The following SCAF8 variants were observed in gnomAD, a reference collection of about 807,000 sequenced individuals.
The protein encoded by SCAF8 is SR-related CTD associated factor 8.
SCAF8 carries 23 observed loss-of-function variants against 140.5 expected under a neutral mutation model. The observed-to-expected ratio is 0.16, with a 90% confidence interval of 0.12 to 0.23. The LOEUF (loss-of-function observed/expected upper bound fraction) is 0.23, where lower values mean the gene tolerates loss of function less well. Ranked by LOEUF, SCAF8 falls within the 10% of genes least tolerant of loss-of-function variation. The pLI, the probability that SCAF8 is intolerant of heterozygous loss-of-function variation, is 1.00. For synonymous variants in SCAF8, 575 were observed against 528.9 expected (o/e 1.09, Z -1.20); for missense variants, 1,397 against 1,555.7 (o/e 0.90, Z 1.72).
chr6:154,762,045 A>G (rs1562432368), intron 1 of SCAF8, among the ~76,000 whole-genome samples: 1 of 152,230 alleles, frequency 6.6e-6, no homozygotes, highest in Non-Finnish European at 1.5e-5. Context: ...TTGAGTTATT[A>G]ATAAAAAGTT....
intron 1 of SCAF8, among the ~76,000 whole-genome samples, chr6:154,749,277 C>T (rs1330322713): frequency 6.6e-6 from 1 of 152,116 alleles, no homozygotes; most frequent in Non-Finnish European, 1.5e-5. Flanking sequence ...CACAATTGTC[C>T]TTTTTTTCAT....
At position 154,813,855 on chromosome 6, in the gene SCAF8, G is replaced by A. The variant is rs566267331; in HGVS notation, c.1421-1861G>A. 4.6e-5 allele frequency among the ~76,000 whole-genome samples: 7 copies of A among 152,218 alleles called. No homozygotes were observed. The South Asian group carries it at 1.2e-3, about 27-fold the overall frequency. The stretch of plus-strand genomic sequence containing the variant: ...GAAATGTGGAGGTGGTTTTGAAGAC[G>A]AAGGACGGGACCATGAGCCAAGGAA... On this transcript the variant is annotated intron_variant, in intron 12 of 19. Coordinates refer to ENST00000367178, the MANE Select transcript of SCAF8 (RefSeq NM_014892.5).
intron 10 of SCAF8, 137 bp downstream of exon 10, chr6:154,808,338 C>G: frequency 1.1e-6 from 1 of 873,522 alleles, no homozygotes; most frequent in Non-Finnish European, 1.7e-6. Flanking sequence ...ACCTATTAGG[C>G]CAAGCTTGTC....
intron 1 of SCAF8, among the ~76,000 whole-genome samples, chr6:154,749,055 C>T (rs938718171): frequency 5.3e-5 from 8 of 152,146 alleles, no homozygotes; most frequent in Non-Finnish European, 1.0e-4. Flanking sequence ...GATTCTCCTG[C>T]CTCAGCCTCC....
intron 7 of SCAF8, among the ~76,000 whole-genome samples, chr6:154,802,796 T>G (rs1777807701): frequency 6.6e-6 from 1 of 152,168 alleles, no homozygotes; most frequent in African/African-American, 2.4e-5. Flanking sequence ...TTCTGTAATT[T>G]GGACCTGCAA....
chr6:154,750,275 C>T (rs1199805920), intron 1 of SCAF8, among the ~76,000 whole-genome samples: 8 of 152,120 alleles, frequency 5.3e-5, no homozygotes, highest in Admixed American at 5.2e-4. Flanking sequence ...TATTTGTTGT[C>T]TGTGGAACAT....
At chr6:154,779,789 A>G (rs201523066) in intron 3 of SCAF8, among the ~76,000 whole-genome samples, 34,561 of 130,608 alleles carry the variant, frequency 0.26, 4,371 homozygotes, top group East Asian at 0.63. Context: ...GTGTATATAT[A>G]TATATATATA....
chr6:154,756,839 G>T (rs1030182068), intron 1 of SCAF8, among the ~76,000 whole-genome samples: 3 of 151,958 alleles, frequency 2.0e-5, no homozygotes, highest in African/African-American at 7.3e-5. Context: ...GACCAGCCTG[G>T]ACAACATAAC....
chr6:154,825,200 T>G (rs1196634397), intron 17 of SCAF8: 1 of 152,148 alleles, frequency 6.6e-6, no homozygotes, highest in African/African-American at 2.4e-5. Context: ...CTTCACAAAT[T>G]TGTGTGTCAT....
intron 9 of SCAF8, among the ~76,000 whole-genome samples, chr6:154,807,503 C>CTGAG: frequency 6.6e-6 from 1 of 152,210 alleles, no homozygotes; most frequent in Non-Finnish European, 1.5e-5. Flanking sequence ...CCTCAGCCTC[C>CTGAG]TGAGTAGCTG....
At chr6:154,779,229 T>G (rs759344744) in intron 3 of SCAF8, among the ~76,000 whole-genome samples, 21 of 151,986 alleles carry the variant, frequency 1.4e-4, no homozygotes, top group Non-Finnish European at 2.5e-4. Context: ...GAGATGGGGG[T>G]TTCACCATGT....
intron 9 of SCAF8, among the ~76,000 whole-genome samples, chr6:154,806,068 A>G (rs892327820): frequency 6.6e-6 from 1 of 152,202 alleles, no homozygotes; most frequent in Non-Finnish European, 1.5e-5. Flanking sequence ...CTCATGCAGC[A>G]GTGTACAGCT....
chr6:154,829,752 C>G (rs1778675714), intron 18 of SCAF8, among the ~76,000 whole-genome samples: 1 of 151,990 alleles, frequency 6.6e-6, no homozygotes, highest in Non-Finnish European at 1.5e-5. Context: ...ACTAAAAATA[C>G]AGAAATTAGC....
chr6:154,737,719 C>T (rs1778461996), intron 1 of SCAF8, among the ~76,000 whole-genome samples: 1 of 151,958 alleles, frequency 6.6e-6, no homozygotes, highest in Non-Finnish European at 1.5e-5. Flanking sequence ...GAGACAGGTA[C>T]TCGCTGTTGA....
intron 1 of SCAF8, among the ~76,000 whole-genome samples, chr6:154,765,519 A>G (rs1015939269): frequency 3.9e-5 from 6 of 152,236 alleles, no homozygotes; most frequent in South Asian, 2.1e-4. Context: ...CTAGTTAAAT[A>G]TAGCAGAGAA....
At chr6:154,740,012 A>G (rs532362108) in intron 1 of SCAF8, among the ~76,000 whole-genome samples, 26 of 152,338 alleles carry the variant, frequency 1.7e-4, no homozygotes, top group Non-Finnish European at 3.4e-4. Flanking sequence ...TTCATCTACC[A>G]GGGAATCTGT....
At chr6:154,808,618 G>T in intron 10 of SCAF8, 68 bp from the exon 11 acceptor site, 1 of 1,019,172 alleles carries the variant, frequency 9.8e-7, no homozygotes, top group Non-Finnish European at 1.5e-6. Context: ...TTTAAAAACA[G>T]AATTGTCAAT....
chr6:154,831,100 T>A lies in SCAF8; in HGVS notation c.2319T>A (p.Leu773=), dbSNP rs753615086. 6.2e-7 allele frequency: 1 copy of A among 1,613,154 alleles called. No homozygotes were observed. Among genetic ancestry groups the A allele is most frequent in the Non-Finnish European group, 8.5e-7 (1 of 1,179,230 alleles). ...AGCCTGAAGAAAAAGTACCTCATCTTATAGACCACCAGATTTCTTCTGGTG... is the reference window on the plus strand; with the variant it reads ...AGCCTGAAGAAAAAGTACCTCATCTAATAGACCACCAGATTTCTTCTGGTG... ...QAEPEEKVPH[L]IDHQISSGEN... is the part of the protein sequence containing the mutation. The change falls in exon 19 of 20, where the codon CTT becomes CTA. Residue 773 remains leucine, a synonymous_variant. Transcript: ENST00000367178.
rs1054152031 is a variant in SCAF8 at position 154,801,878 on chromosome 6, A to G, written c.607-93A>G. 5 of 822,804 alleles carry G rather than the reference A, an allele frequency of 6.1e-6. No homozygotes were observed. In the African/African-American group the frequency reaches 6.9e-5, roughly 11 times the overall value. The allele number at this position is 822,804 out of a possible 1,614,324, so 51.0% of individuals were successfully genotyped here. ...TGTATTTTTTTCAAAGAGAGTGTGGAATGATTAATTTTACTGACTAAAAGT... is the reference window on the plus strand; with the variant it reads ...TGTATTTTTTTCAAAGAGAGTGTGGGATGATTAATTTTACTGACTAAAAGT... On this transcript the variant is annotated intron_variant, in intron 6 of 19. Transcript: ENST00000367178.
Sources: gnomAD v4.1 joint callset for allele counts (sites outside exome capture counted in the v4.1 genomes callset) on GRCh38, gnomAD v4.1.1 for gene constraint, MANE v1.5 for transcripts, NCBI Gene and HGNC (gene_info 2026-07-23, HGNC 2026-07-21) for gene names.